The following LRP1B variants were observed in gnomAD, a reference collection of about 807,000 sequenced individuals.
LRP1B encodes the protein LDL receptor related protein 1B, also known as low-density lipoprotein receptor-related protein 1B.
Under a neutral mutation model 556.6 loss-of-function variants are expected in LRP1B, and 217 were observed. The ratio of observed to expected loss-of-function variants is 0.39; its 90% confidence interval spans 0.35 to 0.44. The LOEUF (loss-of-function observed/expected upper bound fraction) is 0.44. Ranked by LOEUF, LRP1B falls within the 20% of genes least tolerant of loss-of-function variation. The probability of loss-of-function intolerance (pLI) is 1.00; values close to 1 mark genes in which losing one functional copy is unlikely to be tolerated. For missense variants in LRP1B, 5,053 were observed against 5,620.8 expected, an observed-to-expected ratio of 0.90 and a Z score of 3.23; for synonymous variants, 2,047 against 1,865.8, an observed-to-expected ratio of 1.10 and a Z score of -2.50.
At chr2:141,665,097 C>A (rs192478818) in intron 2 of LRP1B, among the ~76,000 whole-genome samples, 1 of 152,190 alleles carries the variant, frequency 6.6e-6, no homozygotes, top group African/African-American at 2.4e-5. Context: ...CAGAAACAAG[C>A]AATGGGGAAA....
chr2:141,898,636 C>T (rs1329086708), intron 1 of LRP1B, among the ~76,000 whole-genome samples: 1 of 152,072 alleles, frequency 6.6e-6, no homozygotes, highest in Non-Finnish European at 1.5e-5. Context: ...TCTTCGACCA[C>T]CTGTCAGACC....
In LRP1B at chr2:140,601,590, C is replaced by T. The variant is rs752890226; in HGVS notation, c.6849G>A (p.Leu2283=). The change falls in exon 42 of 91, where the codon CTG becomes CTA. Residue 2283 remains leucine, a synonymous_variant. Coordinates refer to ENST00000389484, the MANE Select transcript of LRP1B (RefSeq NM_018557.3). ...GLAYHRAWDT[L]YWTSSTTSSI... ...ATGAGGTGGTAGAGCTTGTCCAGTA[C>T]AGTGTATCCCAGGCTCTGTGATAGG... 3 of 1,611,804 alleles carry T rather than the reference C, an allele frequency of 1.9e-6. No individual in the cohort carries two copies. Among genetic ancestry groups the T allele is most frequent in the South Asian group, 1.1e-5 (1 of 90,882 alleles).
At chr2:142,019,643 C>G (rs938278902) in intron 1 of LRP1B, among the ~76,000 whole-genome samples, 96 of 152,146 alleles carry the variant, frequency 6.3e-4, no homozygotes, top group Admixed American at 6.0e-3. Flanking sequence ...TTTTGGTGCC[C>G]TCCTGCTCAA....
intron 3 of LRP1B, among the ~76,000 whole-genome samples, chr2:141,265,641 C>T (rs979181293): frequency 1.3e-5 from 2 of 152,162 alleles, no homozygotes; most frequent in Admixed American, 1.3e-4. Context: ...GTTTCTTCCA[C>T]TGAAACTGTA....
chr2:140,708,427 T>C (rs763262090), intron 37 of LRP1B, among the ~76,000 whole-genome samples: 2 of 151,746 alleles, frequency 1.3e-5, no homozygotes, highest in Non-Finnish European at 2.9e-5. Context: ...AGTAATTATA[T>C]AGGACAATTA....
chr2:141,271,235 A>C (rs1194227900), intron 3 of LRP1B, among the ~76,000 whole-genome samples: 2 of 151,902 alleles, frequency 1.3e-5, no homozygotes, highest in African/African-American at 4.8e-5. Flanking sequence ...AAAAATAAAC[A>C]GAGCTTGAGA....
At chr2:141,207,197 C>T (rs2105240700) in intron 6 of LRP1B, among the ~76,000 whole-genome samples, 1 of 152,268 alleles carries the variant, frequency 6.6e-6, no homozygotes. Context: ...TAAACCACTT[C>T]CTGATTTAAG....
At chr2:141,847,728 T>G (rs1697701618) in intron 1 of LRP1B, among the ~76,000 whole-genome samples, 1 of 151,544 alleles carries the variant, frequency 6.6e-6, no homozygotes, top group Non-Finnish European at 1.5e-5. Flanking sequence ...TGTCAAGTAA[T>G]AAATGACTCA....
chr2:141,566,574 G>A (rs760202062), intron 2 of LRP1B, among the ~76,000 whole-genome samples: 13 of 152,188 alleles, frequency 8.5e-5, no homozygotes, highest in Non-Finnish European at 1.6e-4. Context: ...TCCAGTATGA[G>A]TAACTTCATG....
chr2:141,002,871 T>C (rs908824731), intron 15 of LRP1B, among the ~76,000 whole-genome samples: 1 of 151,996 alleles, frequency 6.6e-6, no homozygotes, highest in African/African-American at 2.4e-5. Context: ...CATATTTTTA[T>C]TAAAAAAGGA....
At chr2:141,439,779 T>C (rs1680890996) in intron 3 of LRP1B, among the ~76,000 whole-genome samples, 1 of 152,160 alleles carries the variant, frequency 6.6e-6, no homozygotes, top group Admixed American at 6.5e-5. Flanking sequence ...GCAGTACTGA[T>C]TATTGAAAAT....
intron 3 of LRP1B, among the ~76,000 whole-genome samples, chr2:141,439,592 A>G (rs1342624367): frequency 6.6e-6 from 1 of 152,198 alleles, no homozygotes; most frequent in East Asian, 1.9e-4. Context: ...AATCAATGCC[A>G]TGGCACAATA....
intron 2 of LRP1B, among the ~76,000 whole-genome samples, chr2:141,747,658 G>A (rs1693963420): frequency 6.6e-6 from 1 of 152,048 alleles, no homozygotes; most frequent in Admixed American, 6.6e-5. Context: ...GATTAAATAA[G>A]CCTTCTAAAA....
chr2:141,982,437 C>T (rs994120490), intron 1 of LRP1B, among the ~76,000 whole-genome samples: 2 of 152,120 alleles, frequency 1.3e-5, no homozygotes, highest in Non-Finnish European at 2.9e-5. Flanking sequence ...AGGAGGAAGT[C>T]TTTAGGAGAC....
chr2:141,969,477 T>C (rs1365985788), intron 1 of LRP1B, among the ~76,000 whole-genome samples: 1 of 151,684 alleles, frequency 6.6e-6, no homozygotes, highest in Non-Finnish European at 1.5e-5. Flanking sequence ...TTATTTCTAT[T>C]GTTTTAGATT....
intron 1 of LRP1B, among the ~76,000 whole-genome samples, chr2:142,124,013 T>C (rs1277920644): frequency 6.6e-6 from 1 of 151,800 alleles, no homozygotes; most frequent in East Asian, 1.9e-4. Flanking sequence ...ATGAGTAGAG[T>C]TATTGAACAA....
intron 1 of LRP1B, among the ~76,000 whole-genome samples, chr2:141,821,302 G>A (rs1393241941): frequency 6.6e-6 from 1 of 152,202 alleles, no homozygotes; most frequent in Non-Finnish European, 1.5e-5. Context: ...TCACAGCCAA[G>A]ACATCACAGG....
chr2:140,773,830 G>A (rs950992425), intron 33 of LRP1B, among the ~76,000 whole-genome samples: 28 of 151,360 alleles, frequency 1.8e-4, no homozygotes, highest in African/African-American at 4.4e-4. Context: ...TAAATATAAA[G>A]TAGAAAATAT....
At chr2:141,958,931 G>A (rs1400839012) in intron 1 of LRP1B, among the ~76,000 whole-genome samples, 2 of 151,894 alleles carry the variant, frequency 1.3e-5, no homozygotes, top group African/African-American at 4.8e-5. Flanking sequence ...AAAATTTAAT[G>A]TCTTCTTTAT....
Sources: gnomAD v4.1 joint callset for allele counts (sites outside exome capture counted in the v4.1 genomes callset) on GRCh38, gnomAD v4.1.1 for gene constraint, MANE v1.5 for transcripts, NCBI Gene and HGNC (gene_info 2026-07-23, HGNC 2026-07-21) for gene names.